The following OXR1 variants were observed in gnomAD, a reference collection of about 807,000 sequenced individuals.
OXR1 encodes the protein oxidation resistance protein 1.
Under a neutral mutation model 104.6 loss-of-function variants are expected in OXR1, and 41 were observed. That is an observed-to-expected ratio of 0.39 (90% CI 0.31 to 0.51). The LOEUF is 0.51. Ranked by LOEUF, OXR1 falls within the 20% of genes least tolerant of loss-of-function variation. The pLI, the probability that OXR1 is intolerant of heterozygous loss-of-function variation, is 0.77. For synonymous variants in OXR1, 348 were observed against 348.4 expected, an observed-to-expected ratio of 1.00 and a Z score of 0.01; for missense variants, 955 against 1,031.9, an observed-to-expected ratio of 0.93 and a Z score of 1.02.
intron 1 of OXR1, among the ~76,000 whole-genome samples, chr8:106,307,317 C>T (rs1813504950): frequency 1.3e-5 from 2 of 152,056 alleles, no homozygotes; most frequent in Non-Finnish European, 2.9e-5. Context: ...GTTATGATTT[C>T]CCCATTGTCC....
In OXR1 at chr8:106,745,869, C is replaced by G. The variant is rs369781815; in HGVS notation, c.2486+7C>G. On this transcript the variant is annotated splice_region_variant and intron_variant, in intron 16 of 16. Coordinates refer to ENST00000517566, the MANE Select transcript of OXR1 (RefSeq NM_001198533.2). ...TAGCTTTCGGTGGTGGAGGGTAAGT[C>G]TCTTGAACATTTCACTATGAGATTT... 1 of 1,502,800 alleles carries G rather than the reference C, an allele frequency of 6.7e-7. No individual in the cohort carries two copies. The highest frequency in any genetic ancestry group is 1.7e-5 in the Admixed American group (1 of 57,498). 93.1% of individuals were successfully genotyped at this position (1,502,800 alleles called of 1,614,324 possible).
intron 1 of OXR1, among the ~76,000 whole-genome samples, chr8:106,320,232 C>G (rs1814157847): frequency 6.6e-6 from 1 of 152,158 alleles, no homozygotes; most frequent in Admixed American, 6.5e-5. Flanking sequence ...ATCTGTGACT[C>G]TCCTCACCTT....
chr8:106,582,199 T>TATAC (rs1419688100), intron 3 of OXR1, among the ~76,000 whole-genome samples: 1 of 145,278 alleles, frequency 6.9e-6, no homozygotes, highest in East Asian at 2.0e-4. Flanking sequence ...TATATATATA[T>TATAC]ATATGAAGGA....
At chr8:106,306,927 G>A (rs1039856722) in intron 1 of OXR1, among the ~76,000 whole-genome samples, 1 of 152,126 alleles carries the variant, frequency 6.6e-6, no homozygotes, top group Non-Finnish European at 1.5e-5. Flanking sequence ...TGATAATAAA[G>A]GAAAATGTTA....
rs556076403 is a variant in OXR1, at chr8:106,725,204, G to C, written c.1956+11219G>C. On this transcript the variant is annotated intron_variant, in intron 11 of 16. Transcript: ENST00000517566. Reference sequence around the variant, plus strand: ...GTGGGGGAGGTAGGGTGTTACTGTGGGGTGTGCTGTGCCCTGTGTGAGTGC... The same window carrying C: ...GTGGGGGAGGTAGGGTGTTACTGTGCGGTGTGCTGTGCCCTGTGTGAGTGC... 3.3e-5 allele frequency among the ~76,000 whole-genome samples: 5 copies of C among 152,166 alleles called. No homozygotes were observed. The East Asian group carries it at 9.7e-4, about 29-fold the overall frequency.
At chr8:106,648,090 T>G (rs1824236565) in intron 3 of OXR1, among the ~76,000 whole-genome samples, 1 of 152,232 alleles carries the variant, frequency 6.6e-6, no homozygotes, top group Non-Finnish European at 1.5e-5. Flanking sequence ...TAAAATGTAA[T>G]GAACACAATG....
intron 3 of OXR1, among the ~76,000 whole-genome samples, chr8:106,645,462 G>A (rs2130969049): frequency 6.6e-6 from 1 of 152,304 alleles, no homozygotes; most frequent in East Asian, 1.9e-4. Flanking sequence ...AAGCCTGTTA[G>A]GGCAGCATAG....
intron 2 of OXR1, among the ~76,000 whole-genome samples, chr8:106,406,369 A>G (rs1292234418): frequency 1.5e-4 from 23 of 152,104 alleles, no homozygotes; most frequent in Admixed American, 1.5e-3. Flanking sequence ...ATATATAACT[A>G]TGTTTTGAAA....
intron 3 of OXR1, among the ~76,000 whole-genome samples, chr8:106,578,764 T>A (rs1818026623): frequency 6.6e-6 from 1 of 152,228 alleles, no homozygotes; most frequent in African/African-American, 2.4e-5. Context: ...AGTTCTAGAC[T>A]CTGGGCACTA....
chr8:106,318,470 C>T (rs989520616), intron 1 of OXR1, among the ~76,000 whole-genome samples: 2 of 152,172 alleles, frequency 1.3e-5, no homozygotes, highest in Admixed American at 6.5e-5. Flanking sequence ...ATCTCCCTTG[C>T]TAGCCTCTTC....
At chr8:106,721,889 G>C (rs1005636930) in intron 11 of OXR1, among the ~76,000 whole-genome samples, 8 of 152,108 alleles carry the variant, frequency 5.3e-5, no homozygotes, top group Non-Finnish European at 8.8e-5. Flanking sequence ...GTTGGATTTG[G>C]TTTTTCACTA....
chr8:106,634,904 C>T (rs539753060), intron 3 of OXR1, among the ~76,000 whole-genome samples: 1 of 151,604 alleles, frequency 6.6e-6, no homozygotes, highest in East Asian at 1.9e-4. Flanking sequence ...GCAACATTGG[C>T]ACTACCTGGG....
chr8:106,577,771 T>TG (rs1426090696), intron 3 of OXR1, among the ~76,000 whole-genome samples: 1 of 152,076 alleles, frequency 6.6e-6, no homozygotes, highest in Non-Finnish European at 1.5e-5. Context: ...AGCAGCCACC[T>TG]GCTAGGCCCT....
chr8:106,586,667 C>T (rs1818655222), intron 3 of OXR1, among the ~76,000 whole-genome samples: 2 of 152,056 alleles, frequency 1.3e-5, no homozygotes, highest in Non-Finnish European at 2.9e-5. Flanking sequence ...TGTGCTAAGG[C>T]CTAGTATTTC....
chr8:106,363,703 G>A (rs932370747), intron 2 of OXR1, among the ~76,000 whole-genome samples: 1 of 152,076 alleles, frequency 6.6e-6, no homozygotes, highest in Non-Finnish European at 1.5e-5. Context: ...TCATTGCAGG[G>A]CAGTAGTGTT....
intron 2 of OXR1, among the ~76,000 whole-genome samples, chr8:106,502,325 C>T (rs1586729287): frequency 6.6e-6 from 1 of 152,108 alleles, no homozygotes; most frequent in Non-Finnish European, 1.5e-5. Context: ...GAATTCAGGG[C>T]TCAAAACACT....
At chr8:106,404,986 G>C (rs1267595018) in intron 2 of OXR1, among the ~76,000 whole-genome samples, 2 of 151,662 alleles carry the variant, frequency 1.3e-5, no homozygotes, top group Non-Finnish European at 2.9e-5. Flanking sequence ...ATTGCTCCTT[G>C]GTTCTTATAA....
chr8:106,725,534 T>G (rs1362033475), intron 11 of OXR1, among the ~76,000 whole-genome samples: 1 of 152,224 alleles, frequency 6.6e-6, no homozygotes, highest in Non-Finnish European at 1.5e-5. Flanking sequence ...GAAGTATATG[T>G]AGGCATAGTG....
intron 2 of OXR1, among the ~76,000 whole-genome samples, chr8:106,454,970 T>C (rs895941667): frequency 4.6e-5 from 7 of 152,240 alleles, no homozygotes; most frequent in Non-Finnish European, 2.9e-5. Context: ...GTATGCATGT[T>C]GAAAGATAAG....
Sources: allele counts gnomAD v4.1 joint callset (sites outside exome capture counted in the v4.1 genomes callset), GRCh38; gene constraint gnomAD v4.1.1; transcripts MANE v1.5; gene names NCBI Gene and HGNC (gene_info 2026-07-23, HGNC 2026-07-21).